The following ZNRF3 variants were observed in gnomAD, a reference collection of about 807,000 sequenced individuals.
The protein encoded by ZNRF3 is zinc and ring finger 3.
In ZNRF3, 23 loss-of-function variants were observed where a neutral mutation model predicts 72.5. The ratio of observed to expected loss-of-function variants is 0.32; its 90% CI spans 0.23 to 0.45. ZNRF3 has a LOEUF of 0.45. ZNRF3 is among the 20% of genes least tolerant of loss of function. ZNRF3 has a pLI of 1.00. For synonymous variants in ZNRF3, 610 were observed against 545.3 expected, an observed-to-expected ratio of 1.12 and a Z score of -1.65; for missense variants, 1,169 against 1,272.1, an observed-to-expected ratio of 0.92 and a Z score of 1.23.
chr22:28,970,187 A>G (rs968207203), intron 1 of ZNRF3, among the ~76,000 whole-genome samples: 2 of 152,230 alleles, frequency 1.3e-5, no homozygotes, highest in African/African-American at 4.8e-5. Context: ...TAAGTACACA[A>G]CCCAATTAAA....
chr22:29,020,763 T>TTTTTTTTG (rs1555985083), intron 2 of ZNRF3, among the ~76,000 whole-genome samples: 1 of 66,736 alleles, frequency 1.5e-5, no homozygotes, highest in African/African-American at 3.4e-5. Flanking sequence ...GGCTTTGTTT[T>TTTTTTTTG]TGTGTGTGTG....
At chr22:29,052,205 C>G (rs542284403) in intron 8 of ZNRF3, among the ~76,000 whole-genome samples, 7 of 152,208 alleles carry the variant, frequency 4.6e-5, no homozygotes, top group African/African-American at 1.7e-4. Flanking sequence ...GTATCTACTT[C>G]TCTGCACTCC....
chr22:28,901,357 G>C (rs1005974286), intron 1 of ZNRF3, among the ~76,000 whole-genome samples: 2 of 152,170 alleles, frequency 1.3e-5, no homozygotes, highest in Admixed American at 6.5e-5. Context: ...CCTGTTGGCT[G>C]ACGTGGCACC....
At chr22:29,043,469 C>T in intron 4 of ZNRF3, 39 bp downstream of exon 4, 1 of 1,608,986 alleles carries the variant, frequency 6.2e-7, no homozygotes, top group Non-Finnish European at 8.5e-7. Context: ...TCGGGGCCTT[C>T]TCTGCTACTA....
chr22:28,883,811 CCGCCGCCGCCTG>C lies in ZNRF3; in HGVS notation c.56_67del (p.Leu19_Arg22del), dbSNP rs907321637. The C allele has an allele frequency of 1.2e-5, 12 of 979,438 alleles. No homozygotes were observed. Among genetic ancestry groups the C allele is most frequent in the African/African-American group, 3.5e-5 (2 of 56,416 alleles). 60.7% of individuals were successfully genotyped at this position (979,438 alleles called of 1,614,324 possible). On this transcript the variant is annotated inframe_deletion, in exon 1 of 9. Coordinates refer to ENST00000544604, the MANE Select transcript of ZNRF3 (RefSeq NM_001206998.2). The surrounding 1 kb of genome is among the most constrained non-coding windows in gnomAD (Gnocchi z 5.5). ...GGCGCCCAGGGGCCACGGGCCGCCG[CCGCCGCCGCCTG>C]CGCCGCCGCCCCCGCGGCCTCCGGT...
intron 1 of ZNRF3, among the ~76,000 whole-genome samples, chr22:28,950,171 G>T (rs1452934917): frequency 6.6e-6 from 1 of 152,150 alleles, no homozygotes; most frequent in African/African-American, 2.4e-5. Context: ...GCAAATGTCA[G>T]CAGACTGTAA....
chr22:28,886,137 C>T (rs2033781925), intron 1 of ZNRF3, among the ~76,000 whole-genome samples: 1 of 152,170 alleles, frequency 6.6e-6, no homozygotes, highest in South Asian at 2.1e-4. Context: ...CTTGTTGAAC[C>T]TCCCTGTTTC....
intron 1 of ZNRF3, among the ~76,000 whole-genome samples, chr22:28,904,804 T>C (rs904762918): frequency 6.6e-6 from 1 of 152,090 alleles, no homozygotes; most frequent in African/African-American, 2.4e-5. Flanking sequence ...CTGCTTGAGA[T>C]TGCTTAAGGC....
chr22:29,018,838 A>G (rs970567276), intron 2 of ZNRF3, among the ~76,000 whole-genome samples: 3 of 152,124 alleles, frequency 2.0e-5, no homozygotes, highest in Non-Finnish European at 2.9e-5. Context: ...CTTTTGCTGC[A>G]TAACAAACTG....
chr22:29,050,588 T>G lies in ZNRF3; in HGVS notation c.2407T>G (p.Ser803Ala). ...CAGCGGCTGCTACACTGAGGACTAC[T>G]CGGTGAGTGTGCAGTACACGCTCAC... ...GGSGCYTEDY[S>A]VSVQYTLTEE... The change falls in exon 8 of 9, where the codon TCG becomes GCG. Residue 803 changes from serine (S) to alanine (A), a missense_variant. Transcript: ENST00000544604. 5 of 1,608,306 alleles carry G rather than the reference T, an allele frequency of 3.1e-6. No individual in the cohort carries two copies. Among genetic ancestry groups the G allele is most frequent in the Non-Finnish European group, 3.4e-6 (4 of 1,177,714 alleles).
chr22:28,964,058 GGGATGAGGGACAA>G (rs760341719), intron 1 of ZNRF3, among the ~76,000 whole-genome samples: 19 of 152,142 alleles, frequency 1.2e-4, no homozygotes, highest in Non-Finnish European at 2.2e-4. Context: ...CAGGTTGCCG[GGGATGAGGGACAA>G]GCTCCAGGAG....
chr22:29,006,860 G>C (rs12628457), intron 2 of ZNRF3, among the ~76,000 whole-genome samples: 1 of 152,120 alleles, frequency 6.6e-6, no homozygotes, highest in Non-Finnish European at 1.5e-5. Context: ...TTTTGATAAA[G>C]TCTTAGCCCA....
chr22:28,912,671 T>C (rs2034340017), intron 1 of ZNRF3, among the ~76,000 whole-genome samples: 1 of 150,102 alleles, frequency 6.7e-6, no homozygotes, highest in Admixed American at 6.6e-5. Context: ...TCTTTTTTTT[T>C]TTTTTTTTTT....
rs536661235 is a variant in ZNRF3 at position 29,039,016 on chromosome 22, C to T, written c.427-3479C>T. Among the ~76,000 whole-genome samples, 5 of 151,982 alleles carry T rather than the reference C, an allele frequency of 3.3e-5. No individual in the cohort carries two copies. The East Asian group carries it at 5.8e-4, about 18-fold the overall frequency. On this transcript the variant is annotated intron_variant, in intron 2 of 8. Transcript: ENST00000544604. ...AACCCCTGGGCTCAAGTGATACTCC[C>T]GCCTCAGCCTCCCAAGTAGCTGGGA...
intron 2 of ZNRF3, among the ~76,000 whole-genome samples, chr22:29,027,542 C>A (rs1394393758): frequency 6.6e-6 from 1 of 152,106 alleles, no homozygotes; most frequent in African/African-American, 2.4e-5. Context: ...AGCCACCATG[C>A]CTGGCCCCCT....
intron 1 of ZNRF3, among the ~76,000 whole-genome samples, chr22:28,963,274 A>G (rs1026652884): frequency 2.6e-5 from 4 of 152,238 alleles, no homozygotes; most frequent in Non-Finnish European, 5.9e-5. Context: ...AGAGGGAGAC[A>G]GTGACTTGGG....
intron 1 of ZNRF3, among the ~76,000 whole-genome samples, chr22:28,884,892 C>T (rs1179340307): frequency 6.6e-6 from 1 of 152,198 alleles, no homozygotes; most frequent in Non-Finnish European, 1.5e-5. Context: ...GGACTCTCAA[C>T]TGAAGCTTCT....
chr22:28,993,118 A>G lies in ZNRF3; in HGVS notation c.426+5917A>G, dbSNP rs568782613. 1.9e-4 allele frequency among the ~76,000 whole-genome samples: 29 copies of G among 152,350 alleles called. No homozygotes were observed. In the South Asian group the frequency reaches 5.6e-3, roughly 29 times the overall value. On this transcript the variant is annotated intron_variant, in intron 2 of 8. Coordinates refer to ENST00000544604, the MANE Select transcript of ZNRF3 (RefSeq NM_001206998.2). ...CACTGAAGGCTTCTGACAAAAGAGC[A>G]GGTGTTGTAGAATCTGTATTCTGGG...
At chr22:29,046,250 G>A (rs1199015688) in intron 5 of ZNRF3, among the ~76,000 whole-genome samples, 3 of 152,198 alleles carry the variant, frequency 2.0e-5, no homozygotes, top group Non-Finnish European at 4.4e-5. Context: ...AATCACCAAA[G>A]TTCTCTTGAG....
Sources: allele counts gnomAD v4.1 joint callset (sites outside exome capture counted in the v4.1 genomes callset), GRCh38; gene constraint gnomAD v4.1.1; non-coding constraint Gnocchi (gnomAD v3.1); transcripts MANE v1.5; gene names NCBI Gene and HGNC (gene_info 2026-07-23, HGNC 2026-07-21).